SGPP2: variants seen among roughly 807,000 people sequenced by gnomAD.
SGPP2 encodes sphingosine 1-phosphate phosphohydrolase 2.
A neutral mutation model predicts 33.9 loss-of-function variants in SGPP2; 30 were observed. That is an observed-to-expected ratio of 0.89 (90% CI 0.66 to 1.20). The LOEUF (loss-of-function observed/expected upper bound fraction) is 1.20. Ranked by LOEUF, SGPP2 falls within the 50% of genes most tolerant of loss-of-function variation. SGPP2 has a pLI of 0.00. For missense variants in SGPP2, 458 were observed against 532.1 expected (o/e 0.86, Z 1.37); for synonymous variants, 233 against 225.0 (o/e 1.04, Z -0.32).
chr2:222,434,787 G>A (rs947838532), intron 1 of SGPP2, among the ~76,000 whole-genome samples: 3 of 151,822 alleles, frequency 2.0e-5, no homozygotes, highest in Non-Finnish European at 2.9e-5. Flanking sequence ...GTAATGTGTC[G>A]GCAGCTAAAA....
At chr2:222,488,515 T>C (rs1232335069) in intron 2 of SGPP2, among the ~76,000 whole-genome samples, 1 of 152,188 alleles carries the variant, frequency 6.6e-6, no homozygotes, top group East Asian at 1.9e-4. Context: ...CACCCCTATC[T>C]GCAGAAAAAT....
Position 222,545,195 on chromosome 2 carries a change from G to T in SGPP2, c.649-13152G>T, listed in dbSNP as rs190623644. 7.3e-5 allele frequency among the ~76,000 whole-genome samples: 11 copies of T among 151,514 alleles called. No homozygotes were observed. In the East Asian group the frequency reaches 2.1e-3, roughly 29 times the overall value. On this transcript the variant is annotated intron_variant, in intron 4 of 4. Transcript: ENST00000321276. The stretch of plus-strand genomic sequence containing the variant: ...TTATTATGATTTCTTTCTTCGCTCC[G>T]TGTCTTTTTTTCTTTTTTAAAAACA...
chr2:222,527,907 T>A (rs1365886505), intron 4 of SGPP2, among the ~76,000 whole-genome samples: 1 of 152,166 alleles, frequency 6.6e-6, no homozygotes, highest in Non-Finnish European at 1.5e-5. Flanking sequence ...GCCCCTGGAC[T>A]TGGAATGAGA....
At chr2:222,539,971 A>G (rs1698967768) in intron 4 of SGPP2, among the ~76,000 whole-genome samples, 2 of 152,200 alleles carry the variant, frequency 1.3e-5, no homozygotes, top group Admixed American at 6.5e-5. Context: ...CAATTTACCA[A>G]CAGAAAAGAC....
intron 1 of SGPP2, among the ~76,000 whole-genome samples, chr2:222,473,760 A>G (rs538941675): frequency 6.6e-6 from 1 of 152,184 alleles, no homozygotes; most frequent in South Asian, 2.1e-4. Flanking sequence ...CCCCATCTCT[A>G]CTAAAAATAC....
chr2:222,473,822 G>A (rs997516266), intron 1 of SGPP2, among the ~76,000 whole-genome samples: 12 of 151,374 alleles, frequency 7.9e-5, no homozygotes, highest in East Asian at 3.9e-4. Context: ...TACTCGGGAG[G>A]CTGAGGCAGG....
rs772949232 is a variant in SGPP2, at chr2:222,477,967, C to G, written c.378+3241C>G. 2.0e-5 allele frequency among the ~76,000 whole-genome samples: 3 copies of G among 152,144 alleles called. No individual in the cohort carries two copies. The highest frequency in any genetic ancestry group is 4.4e-5 in the Non-Finnish European group (3 of 68,022). Reference sequence around the variant, plus strand: ...ATCTGCAGTTTGTCCTGAGGTTTGGCCACCTGTTACTTGACTTTTTAAAAT... The same window carrying G: ...ATCTGCAGTTTGTCCTGAGGTTTGGGCACCTGTTACTTGACTTTTTAAAAT... On this transcript the variant is annotated intron_variant, in intron 2 of 4. Transcript: ENST00000321276. This position sits in a 1 kb window ranked among gnomAD's most constrained non-coding sequence, Gnocchi z 6.0.
intron 4 of SGPP2, among the ~76,000 whole-genome samples, chr2:222,535,525 T>C (rs539713532): frequency 5.3e-5 from 8 of 152,150 alleles, no homozygotes; most frequent in Admixed American, 3.9e-4. Context: ...AAGACAGAAG[T>C]TGGTCAAGCA....
rs111663703 is a variant in SGPP2, at chr2:222,498,023, G to T, written c.378+23297G>T. 4.3e-3 allele frequency among the ~76,000 whole-genome samples: 651 copies of T among 152,248 alleles called. 1 individual carries two copies. The highest frequency in any genetic ancestry group is 7.2e-3 in the Non-Finnish European group (493 of 68,002). ...AAGCCAATATGACCCAGCAGTGGTA[G>T]AAATGACTTTCTTCTAGAAGCTTCC... On this transcript the variant is annotated intron_variant, in intron 2 of 4. Transcript: ENST00000321276.
intron 1 of SGPP2, among the ~76,000 whole-genome samples, chr2:222,451,145 A>G (rs1256310656): frequency 1.3e-5 from 2 of 152,088 alleles, no homozygotes; most frequent in African/African-American, 4.8e-5. Flanking sequence ...AAAGAGAAAA[A>G]AAAAAAAAAA....
At chr2:222,439,289 G>A (rs1162165998) in intron 1 of SGPP2, among the ~76,000 whole-genome samples, 2 of 152,260 alleles carry the variant, frequency 1.3e-5, no homozygotes, top group South Asian at 2.1e-4. Flanking sequence ...AGGGGACCTG[G>A]CCTCCCCTTC....
rs1361021003 is a variant in SGPP2 at position 222,560,335 on chromosome 2, A to C, written c.*1437A>C. The C allele has an allele frequency of 6.6e-6, 1 of 152,208 alleles. No homozygotes were observed. The highest frequency in any genetic ancestry group is 1.5e-5 in the Non-Finnish European group (1 of 68,040). 9.4% of individuals were successfully genotyped at this position (152,208 alleles called of 1,614,324 possible). The stretch of plus-strand genomic sequence containing the variant: ...ATCTATTTTCTCATCTACTGAATAG[A>C]ATCAGGCGCCCTTTTTGTCTTCCCA... On this transcript the variant is annotated 3_prime_UTR_variant, in exon 5 of 5. Coordinates refer to ENST00000321276, the MANE Select transcript of SGPP2 (RefSeq NM_152386.4).
intron 1 of SGPP2, among the ~76,000 whole-genome samples, chr2:222,470,630 C>T (rs183374862): frequency 1.4e-5 from 2 of 145,316 alleles, no homozygotes; most frequent in East Asian, 2.0e-4. Flanking sequence ...GGTCTCAGGT[C>T]GGTCTCTAGA....
At chr2:222,537,238 A>C (rs761165039) in intron 4 of SGPP2, among the ~76,000 whole-genome samples, 6 of 152,248 alleles carry the variant, frequency 3.9e-5, no homozygotes, top group Non-Finnish European at 7.3e-5. Context: ...ATGATATCAA[A>C]TGAATAATCC....
intron 1 of SGPP2, among the ~76,000 whole-genome samples, chr2:222,427,524 T>C (rs1697089208): frequency 6.6e-6 from 1 of 152,162 alleles, no homozygotes; most frequent in Admixed American, 6.5e-5. Context: ...GTGATCCTTC[T>C]GCCTCAGCCT....
intron 2 of SGPP2, among the ~76,000 whole-genome samples, chr2:222,520,497 G>A (rs921861227): frequency 9.2e-5 from 14 of 152,102 alleles, no homozygotes; most frequent in Admixed American, 8.5e-4. Context: ...TTGGGAGGCC[G>A]AGGCCGGCAG....
intron 2 of SGPP2, among the ~76,000 whole-genome samples, chr2:222,478,671 C>T (rs1437454857): frequency 6.6e-6 from 1 of 152,146 alleles, no homozygotes; most frequent in African/African-American, 2.4e-5. Flanking sequence ...CAAAGCTTGG[C>T]ACATTTTATA....
At chr2:222,515,745 A>G (rs942016013) in intron 2 of SGPP2, among the ~76,000 whole-genome samples, 1 of 152,190 alleles carries the variant, frequency 6.6e-6, no homozygotes, top group Non-Finnish European at 1.5e-5. Flanking sequence ...TGTTTAAAAT[A>G]TACAAGTTGA....
intron 2 of SGPP2, among the ~76,000 whole-genome samples, chr2:222,511,904 C>A (rs1282669018): frequency 6.6e-6 from 1 of 152,138 alleles, no homozygotes; most frequent in African/African-American, 2.4e-5. Context: ...GTCTCAAACT[C>A]CTGGGTCAAG....
Sources: allele counts gnomAD v4.1 joint callset (sites outside exome capture counted in the v4.1 genomes callset), GRCh38; gene constraint gnomAD v4.1.1; non-coding constraint Gnocchi (gnomAD v3.1); transcripts MANE v1.5; gene names NCBI Gene and HGNC (gene_info 2026-07-23, HGNC 2026-07-21).